NAALADL2: variants seen among roughly 807,000 people sequenced by gnomAD.
The protein encoded by NAALADL2 is N-acetylated alpha-linked acidic dipeptidase like 2.
NAALADL2 carries 76 observed loss-of-function variants against 87.2 expected under a neutral mutation model. The ratio of observed to expected loss-of-function variants is 0.87; its 90% CI spans 0.72 to 1.05. The LOEUF (loss-of-function observed/expected upper bound fraction) is 1.05. Among genes scored for constraint, NAALADL2 ranks in the 50% least tolerant of loss-of-function variants. NAALADL2 has a pLI of 0.00. For synonymous variants in NAALADL2, 354 were observed against 331.0 expected, an observed-to-expected ratio of 1.07 and a Z score of -0.75; for missense variants, 1,089 against 945.8, an observed-to-expected ratio of 1.15 and a Z score of -1.99.
At chr3:175,659,139 G>T (rs1731913975) in intron 11 of NAALADL2, among the ~76,000 whole-genome samples, 1 of 152,026 alleles carries the variant, frequency 6.6e-6, no homozygotes, top group Non-Finnish European at 1.5e-5. Flanking sequence ...CTATCAAATA[G>T]GATTTTTGTG....
intron 5 of NAALADL2, among the ~76,000 whole-genome samples, chr3:175,368,845 T>C (rs1054302576): frequency 4.6e-5 from 7 of 152,116 alleles, no homozygotes; most frequent in African/African-American, 1.7e-4. Context: ...GCAGTGGTAT[T>C]TGTATATCTA....
chr3:175,256,324 A>G, intron 3 of NAALADL2, 87 bp from the exon 4 acceptor site: 1 of 1,219,824 alleles, frequency 8.2e-7, no homozygotes, highest in Non-Finnish European at 1.1e-6. Flanking sequence ...TCAAATTATG[A>G]TGAATAATTT....
intron 2 of NAALADL2, among the ~76,000 whole-genome samples, chr3:175,190,189 G>A (rs1404380640): frequency 6.6e-6 from 1 of 151,762 alleles, no homozygotes; most frequent in Admixed American, 6.6e-5. Flanking sequence ...TCAGACTACA[G>A]AAACAAAAAT....
intron 5 of NAALADL2, among the ~76,000 whole-genome samples, chr3:175,421,133 T>C (rs1328955956): frequency 6.6e-6 from 1 of 152,028 alleles, no homozygotes; most frequent in Non-Finnish European, 1.5e-5. Flanking sequence ...CTTAAATCAT[T>C]CTGTATATAT....
intron 10 of NAALADL2, among the ~76,000 whole-genome samples, chr3:175,606,717 T>C (rs913921695): frequency 5.3e-5 from 8 of 152,114 alleles, no homozygotes; most frequent in Admixed American, 3.9e-4. Context: ...TCGCTTCTAC[T>C]TGAGGCAAAC....
chr3:175,162,677 C>G (rs1480149370), intron 2 of NAALADL2, among the ~76,000 whole-genome samples: 1 of 152,032 alleles, frequency 6.6e-6, no homozygotes, highest in Non-Finnish European at 1.5e-5. Flanking sequence ...AGTTAATATT[C>G]CAGGATATTC....
intron 2 of NAALADL2, among the ~76,000 whole-genome samples, chr3:175,220,419 G>A (rs1474438284): frequency 6.6e-6 from 1 of 151,576 alleles, no homozygotes; most frequent in Non-Finnish European, 1.5e-5. Context: ...ATTTTCTTTT[G>A]TGACAGTTTT....
intron 10 of NAALADL2, among the ~76,000 whole-genome samples, chr3:175,625,275 G>A (rs985170086): frequency 1.3e-5 from 2 of 151,970 alleles, no homozygotes; most frequent in African/African-American, 4.8e-5. Context: ...TGATGAGAAT[G>A]TCATGTTTCA....
chr3:175,359,941 T>A (rs1270658315), intron 5 of NAALADL2, among the ~76,000 whole-genome samples: 1 of 152,094 alleles, frequency 6.6e-6, no homozygotes, highest in East Asian at 1.9e-4. Context: ...CCACTTTAAG[T>A]TTTTTTAACT....
intron 12 of NAALADL2, among the ~76,000 whole-genome samples, chr3:175,740,199 A>C (rs1745048353): frequency 6.6e-6 from 1 of 152,254 alleles, no homozygotes; most frequent in South Asian, 2.1e-4. Flanking sequence ...GAAGTAATCA[A>C]CTGTGTCAAA....
Position 175,623,876 on chromosome 3 carries a change from T to G in NAALADL2, c.1801-3415T>G, listed in dbSNP as rs111556449. ...TGTTTTTTGTTTCTTGGCGTTTTTT[T>G]GTTTGTTTGTTTTTGAGGCATAAGC... On this transcript the variant is annotated intron_variant, in intron 10 of 13. Transcript: ENST00000454872. Among the ~76,000 whole-genome samples, 90 of 152,038 alleles carry G rather than the reference T, an allele frequency of 5.9e-4. 1 individual carries two copies. The highest frequency in any genetic ancestry group is 2.1e-3 in the African/African-American group (86 of 41,474).
intron 10 of NAALADL2, among the ~76,000 whole-genome samples, chr3:175,610,677 G>A (rs115836580): frequency 6.6e-6 from 1 of 152,044 alleles, no homozygotes; most frequent in Admixed American, 6.6e-5. Flanking sequence ...TTTTGATCAT[G>A]TGTGTTTCTG....
chr3:174,639,667 A>G (rs901548170), intron 2 of NAALADL2, among the ~76,000 whole-genome samples: 5 of 152,178 alleles, frequency 3.3e-5, no homozygotes, highest in Admixed American at 1.3e-4. Context: ...CATTGCATAC[A>G]GTCCAGTGAT....
At chr3:175,029,928 A>G (rs1752636185) in intron 1 of NAALADL2, among the ~76,000 whole-genome samples, 1 of 152,070 alleles carries the variant, frequency 6.6e-6, no homozygotes, top group South Asian at 2.1e-4. Context: ...TTGTCAGGCA[A>G]TATATATGTT....
Position 175,803,179 on chromosome 3 carries a change from G to A in NAALADL2, c.2364G>A (p.Lys788=), listed in dbSNP as rs1754394894. ...VYFKAGLDVF[K]SVLDGKN ...TCAAAGCAGGACTTGATGTGTTCAA[G>A]AGTGTCTTGGATGGGAAGAATTGAG... Residue 788 remains lysine, a synonymous_variant, in exon 14 of 14, where the codon AAG becomes AAA. Transcript: ENST00000454872. 21 of 1,609,712 alleles carry A rather than the reference G, an allele frequency of 1.3e-5. No homozygotes were observed. Among genetic ancestry groups the A allele is most frequent in the Non-Finnish European group, 1.8e-5 (21 of 1,177,840 alleles).
At chr3:175,028,973 AT>A (rs1200661892) in intron 1 of NAALADL2, among the ~76,000 whole-genome samples, 1 of 150,588 alleles carries the variant, frequency 6.6e-6, no homozygotes, top group African/African-American at 2.4e-5. Context: ...AGTGTTGTAG[AT>A]TTATTTAATA....
intron 2 of NAALADL2, among the ~76,000 whole-genome samples, chr3:175,157,100 T>G (rs555660962): frequency 6.8e-6 from 1 of 147,590 alleles, no homozygotes; most frequent in East Asian, 2.0e-4. Flanking sequence ...ATTTTTAGTA[T>G]GTACTTAGTT....
intron 5 of NAALADL2, among the ~76,000 whole-genome samples, chr3:175,357,428 AAAGAT>A (rs1764511879): frequency 6.6e-6 from 1 of 152,244 alleles, no homozygotes; most frequent in East Asian, 1.9e-4. Context: ...TTTCTGTATT[AAAGAT>A]AAGGATCATT....
At chr3:175,423,028 A>AAAAATATATAT (rs1438736874) in intron 5 of NAALADL2, among the ~76,000 whole-genome samples, 7 of 111,300 alleles carry the variant, frequency 6.3e-5, no homozygotes, top group African/African-American at 1.2e-4. Context: ...GAAAAAAAAA[A>AAAAATATATAT]ATATATATAT....
Sources: allele counts gnomAD v4.1 joint callset (sites outside exome capture counted in the v4.1 genomes callset), GRCh38; gene constraint gnomAD v4.1.1; transcripts MANE v1.5; gene names NCBI Gene and HGNC (gene_info 2026-07-23, HGNC 2026-07-21).